UTP4: variants seen among roughly 807,000 people sequenced by gnomAD.
UTP4 encodes the protein U3 small nucleolar RNA-associated protein 4 homolog.
In UTP4, 45 loss-of-function variants were observed where a neutral mutation model predicts 82.4. The ratio of observed to expected loss-of-function variants is 0.55; its 90% CI spans 0.43 to 0.70. The LOEUF is 0.70. UTP4 is among the 30% of genes least tolerant of loss of function. The pLI, the probability that UTP4 is intolerant of heterozygous loss-of-function variation, is 0.00. For missense variants in UTP4, 819 were observed against 858.3 expected (o/e 0.95, Z 0.57); for synonymous variants, 348 against 300.3 (o/e 1.16, Z -1.64).
At chr16:69,142,409 C>T (rs1230900286) in intron 5 of UTP4, 1 of 156,864 alleles carries the variant, frequency 6.4e-6, no homozygotes, top group Non-Finnish European at 1.4e-5. Flanking sequence ...CTGCTTCTGC[C>T]TGATAGCCCT....
At chr16:69,148,495 G>C (rs1341805287) in intron 6 of UTP4, among the ~76,000 whole-genome samples, 1 of 151,880 alleles carries the variant, frequency 6.6e-6, no homozygotes, top group Non-Finnish European at 1.5e-5. Context: ...GCCTCCCAAG[G>C]TGCTGTGATT....
intron 13 of UTP4, among the ~76,000 whole-genome samples, chr16:69,162,672 A>G (rs1397373482): frequency 6.7e-6 from 1 of 149,958 alleles, no homozygotes; most frequent in Non-Finnish European, 1.5e-5. Context: ...AGATCATGCC[A>G]TTGCACTCCA....
chr16:69,164,596 A>ATATATG (rs1555495227), intron 14 of UTP4, among the ~76,000 whole-genome samples: 1 of 130,082 alleles, frequency 7.7e-6, no homozygotes, highest in Non-Finnish European at 1.7e-5. Context: ...TTATATATAT[A>ATATATG]TATATATATA....
chr16:69,150,722 C>T lies in UTP4; in HGVS notation c.910+14C>T. The T allele has an allele frequency of 6.2e-7, 1 of 1,614,220 alleles. No homozygotes were observed. Among genetic ancestry groups the T allele is most frequent in the Non-Finnish European group, 8.5e-7 (1 of 1,180,042 alleles). Reference sequence around the variant, plus strand: ...TGATATCTGGAGGTGGGTTCCCCCTCTGGTGAGGCTGCTGCTTTACCCTGC... The same window carrying T: ...TGATATCTGGAGGTGGGTTCCCCCTTTGGTGAGGCTGCTGCTTTACCCTGC... On this transcript the variant is annotated intron_variant, in intron 7 of 16. Coordinates refer to ENST00000314423, the MANE Select transcript of UTP4 (RefSeq NM_032830.3).
At chr16:69,137,673 C>T (rs913621525) in intron 3 of UTP4, 128 bp from the exon 4 acceptor site, 70 of 664,204 alleles carry the variant, frequency 1.1e-4, no homozygotes, top group Admixed American at 4.5e-4. Context: ...TTCTTTTTCA[C>T]GGCAACTGAT....
chr16:69,156,154 C>CTTT (rs36043898), intron 11 of UTP4, among the ~76,000 whole-genome samples, 161 bp downstream of exon 11: 26,493 of 130,116 alleles, frequency 0.2, 3,021 homozygotes, highest in African/African-American at 0.29. Context: ...TTCTTTCTTT[C>CTTT]TTTTTTTTTT....
At chr16:69,138,306 C>T (rs535504428) in intron 4 of UTP4, among the ~76,000 whole-genome samples, 3 of 150,212 alleles carry the variant, frequency 2.0e-5, no homozygotes, top group South Asian at 2.1e-4. Context: ...GGCATGATCT[C>T]GGCTCACTGT....
chr16:69,137,937 T>A (rs371231272), intron 4 of UTP4, 52 bp downstream of exon 4: 1 of 1,111,168 alleles, frequency 9.0e-7, no homozygotes, highest in South Asian at 1.2e-5. Context: ...GAAATTAAGT[T>A]TCTGTGCCAC....
At position 69,139,813 on chromosome 16, in the gene UTP4, C is replaced by G; in HGVS notation, c.437-12C>G. 1.2e-6 allele frequency: 2 copies of G among 1,602,278 alleles called. No individual in the cohort carries two copies. Among genetic ancestry groups the G allele is most frequent in the Non-Finnish European group, 1.7e-6 (2 of 1,169,484 alleles). ...GTATGTCACTTTCTTTTTTTGTTGT[C>G]CAACTCCCAAGGTCGCATCCTGAGT... On this transcript the variant is annotated splice_polypyrimidine_tract_variant and intron_variant, in intron 4 of 16. Coordinates refer to ENST00000314423, the MANE Select transcript of UTP4 (RefSeq NM_032830.3).
At chr16:69,157,749 T>C (rs1963457978) in intron 12 of UTP4, among the ~76,000 whole-genome samples, 1 of 151,694 alleles carries the variant, frequency 6.6e-6, no homozygotes, top group Admixed American at 6.6e-5. Flanking sequence ...CACTCACCAC[T>C]ATGCCCAGCT....
intron 16 of UTP4, chr16:69,167,638 C>G (rs1043329771): frequency 7.6e-6 from 1 of 131,030 alleles, no homozygotes; most frequent in Admixed American, 7.6e-5. Context: ...TCACTATTAA[C>G]AAAAAAAAAA....
At chr16:69,157,784 A>T (rs956811427) in intron 12 of UTP4, among the ~76,000 whole-genome samples, 2 of 151,232 alleles carry the variant, frequency 1.3e-5, no homozygotes, top group Non-Finnish European at 2.9e-5. Flanking sequence ...TTTTGTAGAG[A>T]CGGGGTCTCA....
At chr16:69,145,640 G>A (rs1012179002) in intron 6 of UTP4, among the ~76,000 whole-genome samples, 1 of 151,868 alleles carries the variant, frequency 6.6e-6, no homozygotes, top group African/African-American at 2.4e-5. Flanking sequence ...TAAGCTGCTG[G>A]GTATGTCCAC....
intron 1 of UTP4, 36 bp from the exon 2 acceptor site, chr16:69,133,422 A>G: frequency 6.2e-7 from 1 of 1,605,148 alleles, no homozygotes; most frequent in Non-Finnish European, 8.5e-7. Context: ...ACTGCAGTTA[A>G]CATATAGCAA....
intron 6 of UTP4, among the ~76,000 whole-genome samples, chr16:69,150,008 G>A (rs555719944): frequency 4.3e-4 from 66 of 152,298 alleles, no homozygotes; most frequent in South Asian, 1.7e-3. Context: ...GATTATAGGA[G>A]TGAGCCACCA....
In UTP4 at chr16:69,153,582, A is replaced by T; in HGVS notation, c.1003-2A>T. On this transcript the variant is annotated splice_acceptor_variant, in intron 8 of 16. Coordinates refer to ENST00000314423, the MANE Select transcript of UTP4 (RefSeq NM_032830.3). LOFTEE classifies it high-confidence loss of function. ...TTTTAACTTCTTGATTCTTGGATAT[A>T]GCGATGTCTCATCTCCTGTTCTAAA... is the stretch of plus-strand genomic sequence containing the variant. 6.2e-7 allele frequency: 1 copy of T among 1,610,368 alleles called. No homozygotes were observed. Among genetic ancestry groups the T allele is most frequent in the Non-Finnish European group, 8.5e-7 (1 of 1,177,258 alleles).
In UTP4 at chr16:69,154,491, G is replaced by C. The variant is rs554731009; in HGVS notation, c.1164+34G>C. On this transcript the variant is annotated intron_variant, in intron 10 of 16. Transcript: ENST00000314423. ...GTTTGTTTAGGCTCTGAATTCTAGA[G>C]CCTGAATTCTAGGCTCATAATTCCC... 23 of 1,460,558 alleles carry C rather than the reference G, an allele frequency of 1.6e-5. No homozygotes were observed. The South Asian group carries it at 2.6e-4, about 17-fold the overall frequency. The allele number at this position is 1,460,558 out of a possible 1,614,324, so 90.5% of individuals were successfully genotyped here.
chr16:69,143,226 C>G lies in UTP4; in HGVS notation c.575C>G (p.Ser192Cys), dbSNP rs771327014. ...GTGGACAGGCAGTATATGGGCGTGT[C>G]TAAGCGGAAGTGCATCGTGTGGGGT... is the stretch of plus-strand genomic sequence containing the variant. The part of the protein sequence containing the change: ...MIVDRQYMGV[S>C]KRKCIVWGVA... Residue 192 changes from serine to cysteine, a missense_variant, in exon 6 of 17, where the codon TCT (serine) becomes TGT (cysteine). Coordinates refer to ENST00000314423, the MANE Select transcript of UTP4 (RefSeq NM_032830.3). 1.5e-5 allele frequency: 25 copies of G among 1,614,122 alleles called. No individual in the cohort carries two copies. The Admixed American group carries it at 3.8e-4, about 25-fold the overall frequency.
intron 14 of UTP4, among the ~76,000 whole-genome samples, chr16:69,164,045 C>T (rs1021456844): frequency 4.6e-5 from 7 of 152,120 alleles, no homozygotes; most frequent in East Asian, 3.9e-4. Flanking sequence ...CCACCATGCC[C>T]GGCTAATTTT....
Sources: gnomAD v4.1 joint callset for allele counts (sites outside exome capture counted in the v4.1 genomes callset) on GRCh38, gnomAD v4.1.1 for gene constraint, MANE v1.5 for transcripts, NCBI Gene and HGNC (gene_info 2026-07-23, HGNC 2026-07-21) for gene names.